The following CYRIB variants were observed in gnomAD, a reference collection of about 807,000 sequenced individuals.
The protein encoded by CYRIB is CYFIP-related Rac1 interactor B.
A neutral mutation model predicts 44.2 loss-of-function variants in CYRIB; 8 were observed. The observed-to-expected ratio is 0.18, with a 90% CI of 0.11 to 0.33. CYRIB has a LOEUF of 0.33. Ranked by LOEUF, CYRIB falls within the 10% of genes least tolerant of loss-of-function variation. CYRIB has a pLI of 1.00. For synonymous variants in CYRIB, 131 were observed against 127.2 expected, an observed-to-expected ratio of 1.03 and a Z score of -0.20; for missense variants, 185 against 382.8, an observed-to-expected ratio of 0.48 and a Z score of 4.31.
At chr8:129,942,851 C>T (rs1290912785), upstream of CYRIB, among the ~76,000 whole-genome samples, 4 of 152,194 alleles carry the variant, frequency 2.6e-5, no homozygotes, top group Non-Finnish European at 5.9e-5. Flanking sequence ...GCAACCGAAA[C>T]TCCGTATGTG....
chr8:129,886,261 C>T (rs531772613), intron 2 of CYRIB, among the ~76,000 whole-genome samples: 1 of 152,298 alleles, frequency 6.6e-6, no homozygotes, highest in Non-Finnish European at 1.5e-5. Context: ...TTGGCTAAAT[C>T]TAAAGGACAA....
chr8:129,855,626 C>T (rs1587386032), exon 6 of CYRIB: 1 of 1,613,830 alleles, frequency 6.2e-7, no homozygotes, highest in Non-Finnish European at 8.5e-7. Flanking sequence ...GTTCATCAAA[C>T]CGGAGTGTGA....
intron 1 of CYRIB, among the ~76,000 whole-genome samples, chr8:129,936,115 A>G (rs1223667308): frequency 1.3e-5 from 2 of 152,142 alleles, no homozygotes; most frequent in Non-Finnish European, 2.9e-5. Context: ...AAGTTTTGAG[A>G]TTTGCTGTTT....
At chr8:129,858,190 TC>T (rs2047213366) in intron 5 of CYRIB, among the ~76,000 whole-genome samples, 1 of 152,180 alleles carries the variant, frequency 6.6e-6, no homozygotes, top group Admixed American at 6.5e-5. Context: ...ACAGAAAATG[TC>T]CCAGAGGTCT....
At chr8:130,015,513 C>T (rs2097322010) in intron 1 of CYRIB, among the ~76,000 whole-genome samples, 1 of 152,172 alleles carries the variant, frequency 6.6e-6, no homozygotes, top group African/African-American at 2.4e-5. Flanking sequence ...CTGCAAAGTG[C>T]ATGTGACACT....
rs147974975 is a variant in CYRIB, at chr8:129,869,105, G to A, written c.195+2270C>T. Among the ~76,000 whole-genome samples, 17 of 150,892 alleles carry A rather than the reference G, an allele frequency of 1.1e-4. No homozygotes were observed. The East Asian group carries it at 2.9e-3, about 26-fold the overall frequency. The stretch of plus-strand genomic sequence containing the variant: ...AAAAATAAAGAAGAAAGAAAAAAAG[G>A]CTGGGCGCGGTGGTTCACGCCTGTA... On this transcript the variant is annotated intron_variant, in intron 4 of 11. Transcript: ENST00000519824.
intron 2 of CYRIB, chr8:129,949,371 C>T (rs2094375283): frequency 6.6e-6 from 1 of 152,186 alleles, no homozygotes. Context: ...TATTACTTCC[C>T]TGTTTTCAGA....
At chr8:129,933,338 G>A (rs944856081) in intron 1 of CYRIB, among the ~76,000 whole-genome samples, 1 of 152,138 alleles carries the variant, frequency 6.6e-6, no homozygotes, top group Non-Finnish European at 1.5e-5. Flanking sequence ...AAGATGGACT[G>A]AAGGCCAGAC....
At chr8:129,917,412 A>G (rs748402592) in intron 1 of CYRIB, among the ~76,000 whole-genome samples, 2 of 152,146 alleles carry the variant, frequency 1.3e-5, no homozygotes, top group Non-Finnish European at 2.9e-5. Context: ...CTAATTCTCC[A>G]TAATGTTATT....
chr8:129,957,380 C>A (rs1390126224), intron 2 of CYRIB, among the ~76,000 whole-genome samples: 2 of 152,178 alleles, frequency 1.3e-5, no homozygotes, highest in African/African-American at 4.8e-5. Context: ...GTCCCCAAGA[C>A]TTAAAACACA....
At chr8:129,854,001 T>C (rs887282972) in intron 7 of CYRIB, among the ~76,000 whole-genome samples, 7 of 152,126 alleles carry the variant, frequency 4.6e-5, no homozygotes, top group Non-Finnish European at 1.0e-4. Context: ...TGAGAGTACA[T>C]CGCGAAATTT....
intron 3 of CYRIB, among the ~76,000 whole-genome samples, chr8:129,874,544 G>C (rs933388774): frequency 3.3e-5 from 5 of 152,052 alleles, no homozygotes. Flanking sequence ...ATCTCTGTAA[G>C]TTACATCAAG....
At chr8:129,877,802 A>AG (rs932225079) in intron 3 of CYRIB, among the ~76,000 whole-genome samples, 3 of 152,098 alleles carry the variant, frequency 2.0e-5, no homozygotes, top group African/African-American at 7.2e-5. Context: ...ACATAATACT[A>AG]GGTTTACAAA....
chr8:130,002,070 A>C (rs1487901651), intron 1 of CYRIB, among the ~76,000 whole-genome samples: 1 of 152,178 alleles, frequency 6.6e-6, no homozygotes, highest in Admixed American at 6.5e-5. Flanking sequence ...AGTTTTATTA[A>C]TTGAACTGTT....
At chr8:129,956,201 T>C (rs987171672) in intron 2 of CYRIB, among the ~76,000 whole-genome samples, 9 of 152,224 alleles carry the variant, frequency 5.9e-5, no homozygotes, top group Admixed American at 3.9e-4. Flanking sequence ...GCCTGGCATA[T>C]AGGTAGCAGC....
intron 1 of CYRIB, among the ~76,000 whole-genome samples, chr8:129,998,125 A>G (rs2096822495): frequency 1.3e-5 from 2 of 151,360 alleles, no homozygotes; most frequent in South Asian, 4.2e-4. Flanking sequence ...GTCTCAAAAA[A>G]AAAAAAAAAA....
chr8:129,968,177 A>C (rs1463596737), intron 2 of CYRIB, among the ~76,000 whole-genome samples: 1 of 152,266 alleles, frequency 6.6e-6, no homozygotes, highest in Non-Finnish European at 1.5e-5. Flanking sequence ...CAAATAAAGT[A>C]CACAGAACAA....
exon 10 of CYRIB, chr8:129,849,259 T>C: frequency 6.3e-7 from 1 of 1,597,066 alleles, no homozygotes; most frequent in Non-Finnish European, 8.5e-7. Context: ...TTTGGAAGTT[T>C]TAGCAAATGC....
At chr8:129,844,818 C>T (rs1314021336) in intron 11 of CYRIB, among the ~76,000 whole-genome samples, 1 of 152,162 alleles carries the variant, frequency 6.6e-6, no homozygotes, top group African/African-American at 2.4e-5. Flanking sequence ...TAAACATGTG[C>T]TCTCAGTAAA....
Sources: allele counts gnomAD v4.1 joint callset (sites outside exome capture counted in the v4.1 genomes callset), GRCh38; gene constraint gnomAD v4.1.1; transcripts MANE v1.5; gene names NCBI Gene and HGNC (gene_info 2026-07-23, HGNC 2026-07-21).